Variants in TMPRSS11F observed in about 807,000 individuals in gnomAD.
The protein encoded by TMPRSS11F is transmembrane serine protease 11F.
Under a neutral mutation model 60.2 loss-of-function variants are expected in TMPRSS11F, and 47 were observed. That is an observed-to-expected ratio of 0.78 (90% CI 0.62 to 1.00). The LOEUF (loss-of-function observed/expected upper bound fraction) is 1.00, where lower values mean the gene tolerates loss of function less well. Ranked by LOEUF, TMPRSS11F falls within the 50% of genes least tolerant of loss-of-function variation. The probability of loss-of-function intolerance (pLI) is 0.00; values close to 1 mark genes in which losing one functional copy is unlikely to be tolerated. For missense variants in TMPRSS11F, 519 were observed against 522.9 expected (o/e 0.99, Z 0.07); for synonymous variants, 166 against 167.3 (o/e 0.99, Z 0.06).
intron 1 of TMPRSS11F, among the ~76,000 whole-genome samples, chr4:68,128,915 T>C (rs907860285): frequency 1.3e-5 from 2 of 152,074 alleles, no homozygotes; most frequent in Admixed American, 1.3e-4. Context: ...CACTCATCAT[T>C]TAAGAGTGCC....
chr4:68,053,217 C>A lies in TMPRSS11F; in HGVS notation c.*692G>T. On this transcript the variant is annotated 3_prime_UTR_variant, in exon 10 of 10. Transcript: ENST00000356291. ...TTTTTTGTCCTTTCTGGGCCAACTG[C>A]TACTAACATATAGATGGCAAGATGC... is the stretch of plus-strand genomic sequence containing the variant. 6.6e-6 allele frequency: 1 copy of A among 152,164 alleles called. No individual in the cohort carries two copies. 9.4% of individuals were successfully genotyped at this position (152,164 alleles called of 1,614,324 possible). A position where few individuals can be genotyped will look rare whatever the true frequency, so the allele number is the denominator to read the frequency against.
chr4:68,122,771 G>GAACA (rs1358932182), intron 1 of TMPRSS11F, among the ~76,000 whole-genome samples: 1 of 152,156 alleles, frequency 6.6e-6, no homozygotes, highest in Non-Finnish European at 1.5e-5. Flanking sequence ...CACGAATATA[G>GAACA]AACACTTTAT....
chr4:68,063,054 T>G (rs780673668), intron 8 of TMPRSS11F: 10 of 658,824 alleles, frequency 1.5e-5, no homozygotes, highest in South Asian at 4.1e-5. Context: ...CATTTTATCT[T>G]GTGAATTGTT....
At chr4:68,076,886 A>T (rs370239727) in intron 3 of TMPRSS11F, among the ~76,000 whole-genome samples, 3 of 152,212 alleles carry the variant, frequency 2.0e-5, no homozygotes, top group African/African-American at 7.2e-5. Flanking sequence ...GTAAATACAT[A>T]GGCAACCACA....
chr4:68,066,629 G>GA (rs1275289814), intron 7 of TMPRSS11F, among the ~76,000 whole-genome samples: 1 of 152,050 alleles, frequency 6.6e-6, no homozygotes, highest in Non-Finnish European at 1.5e-5. Flanking sequence ...TATTTCTGCA[G>GA]AAAAAATAAA....
chr4:68,084,287 A>G (rs1259382513), intron 3 of TMPRSS11F, among the ~76,000 whole-genome samples: 1 of 152,194 alleles, frequency 6.6e-6, no homozygotes, highest in Non-Finnish European at 1.5e-5. Flanking sequence ...TCACTAGAGA[A>G]GTTGACATGC....
intron 3 of TMPRSS11F, among the ~76,000 whole-genome samples, chr4:68,084,550 C>G (rs534104220): frequency 6.6e-6 from 1 of 152,084 alleles, no homozygotes; most frequent in African/African-American, 2.4e-5. Context: ...GAACTTCATT[C>G]CCTGCCAAAC....
chr4:68,129,068 G>A (rs1488743140), intron 1 of TMPRSS11F, among the ~76,000 whole-genome samples: 2 of 152,116 alleles, frequency 1.3e-5, no homozygotes, highest in Admixed American at 6.6e-5. Context: ...TAGAAAGATC[G>A]AGAACCTTTT....
At chr4:68,091,250 C>T (rs187029005) in intron 2 of TMPRSS11F, among the ~76,000 whole-genome samples, 1 of 152,030 alleles carries the variant, frequency 6.6e-6, no homozygotes, top group Non-Finnish European at 1.5e-5. Context: ...CATCATGTTC[C>T]CTGAAAACCT....
intron 3 of TMPRSS11F, among the ~76,000 whole-genome samples, chr4:68,082,070 C>T (rs1241351990): frequency 6.6e-6 from 1 of 152,086 alleles, no homozygotes; most frequent in Non-Finnish European, 1.5e-5. Context: ...AGAAAACACT[C>T]AGAGTTGATA....
chr4:68,079,134 C>A (rs1385059705), intron 3 of TMPRSS11F, among the ~76,000 whole-genome samples: 1 of 148,588 alleles, frequency 6.7e-6, no homozygotes, highest in African/African-American at 2.4e-5. Flanking sequence ...TACTGCATGG[C>A]AGGCATTGGA....
intron 8 of TMPRSS11F, chr4:68,061,769 G>C (rs1334721928): frequency 4.6e-6 from 2 of 438,222 alleles, no homozygotes; most frequent in African/African-American, 4.0e-5. Context: ...CAAGAATACA[G>C]GAAGTGCTTT....
Position 68,072,437 on chromosome 4 carries a change from G to T in TMPRSS11F, c.400C>A (p.Pro134Thr). ...DILIVLIFRYPSTDSAEQIKK... is the reference protein window; with the variant it reads ...DILIVLIFRYTSTDSAEQIKK... ...ATTTGTTCAGCACTATCAGTAGATG[G>T]GTATCGAAATATGAGCACTATAAGA... Residue 134 changes from proline to threonine, a missense_variant, in exon 5 of 10, where the codon CCA (proline) becomes ACA (threonine). Coordinates refer to ENST00000356291, the MANE Select transcript of TMPRSS11F (RefSeq NM_207407.2). 6.3e-7 allele frequency: 1 copy of T among 1,584,780 alleles called. No homozygotes were observed. Among genetic ancestry groups the T allele is most frequent in the Non-Finnish European group, 8.6e-7 (1 of 1,162,692 alleles).
chr4:68,107,248 A>T (rs758805979), intron 1 of TMPRSS11F, among the ~76,000 whole-genome samples: 1 of 152,236 alleles, frequency 6.6e-6, no homozygotes. Context: ...ACACTAATTT[A>T]GTTACTATGG....
At chr4:68,067,793 G>C (rs112033145) in intron 7 of TMPRSS11F, among the ~76,000 whole-genome samples, 1 of 152,178 alleles carries the variant, frequency 6.6e-6, no homozygotes, top group Non-Finnish European at 1.5e-5. Context: ...AGAATCACCA[G>C]GGATAGGCTC....
chr4:68,070,037 C>T (rs1435050721), intron 5 of TMPRSS11F, 30 bp from the exon 6 acceptor site: 1 of 1,592,434 alleles, frequency 6.3e-7, no homozygotes, highest in Non-Finnish European at 8.6e-7. Context: ...AATTAGTTGG[C>T]AGAAGAATAT....
At position 68,100,735 on chromosome 4, in the gene TMPRSS11F, C is replaced by T. The variant is rs1457781673; in HGVS notation, c.12-1697G>A. ...AACCAAATGAAAAGTATCTGTTTTA[C>T]GGCCTTTCTCTTTGACTTATTTTAT... is the stretch of plus-strand genomic sequence containing the variant. On this transcript the variant is annotated intron_variant, in intron 1 of 9. Transcript: ENST00000356291. 4.6e-5 allele frequency among the ~76,000 whole-genome samples: 7 copies of T among 152,044 alleles called. No individual in the cohort carries two copies. The South Asian group carries it at 8.3e-4, about 18-fold the overall frequency.
At chr4:68,112,823 C>T (rs1724433690) in intron 1 of TMPRSS11F, among the ~76,000 whole-genome samples, 1 of 151,968 alleles carries the variant, frequency 6.6e-6, no homozygotes, top group Non-Finnish European at 1.5e-5. Flanking sequence ...AATAATTATA[C>T]CTTCTCTTAG....
intron 1 of TMPRSS11F, among the ~76,000 whole-genome samples, chr4:68,120,843 C>G (rs1724613180): frequency 6.6e-6 from 1 of 152,222 alleles, no homozygotes; most frequent in South Asian, 2.1e-4. Context: ...AAGATTATGA[C>G]TCACTGAAGT....
Sources: gnomAD v4.1 joint callset for allele counts (sites outside exome capture counted in the v4.1 genomes callset) on GRCh38, gnomAD v4.1.1 for gene constraint, MANE v1.5 for transcripts, NCBI Gene and HGNC (gene_info 2026-07-23, HGNC 2026-07-21) for gene names.